The following POU6F2 variants were observed in gnomAD, a reference collection of about 807,000 sequenced individuals.
POU6F2 encodes POU class 6 homeobox 2.
A neutral mutation model predicts 71.3 loss-of-function variants in POU6F2; 31 were observed. That is an observed-to-expected ratio of 0.43 (90% CI 0.33 to 0.59). The LOEUF (loss-of-function observed/expected upper bound fraction) is 0.59, where lower values mean the gene tolerates loss of function less well. Ranked by LOEUF, POU6F2 falls within the 20% of genes least tolerant of loss-of-function variation. POU6F2 has a pLI of 0.04. For missense variants in POU6F2, 783 were observed against 856.8 expected, an observed-to-expected ratio of 0.91 and a Z score of 1.07; for synonymous variants, 347 against 355.7, an observed-to-expected ratio of 0.98 and a Z score of 0.27.
At chr7:39,006,258 G>C (rs1490038009) in intron 1 of POU6F2, among the ~76,000 whole-genome samples, 1 of 152,198 alleles carries the variant, frequency 6.6e-6, no homozygotes, top group Non-Finnish European at 1.5e-5. Flanking sequence ...GAGGTCAGGA[G>C]TTTGAGGCCA....
At chr7:39,452,685 A>G (rs1788689679) in intron 8 of POU6F2, among the ~76,000 whole-genome samples, 1 of 152,254 alleles carries the variant, frequency 6.6e-6, no homozygotes, top group Non-Finnish European at 1.5e-5. Flanking sequence ...TCCTCAAAAA[A>G]GAAAAATAAT....
At chr7:39,367,669 T>A (rs564987579) in intron 5 of POU6F2, among the ~76,000 whole-genome samples, 1 of 152,374 alleles carries the variant, frequency 6.6e-6, no homozygotes, top group Admixed American at 6.5e-5. Context: ...TGTATTGCAC[T>A]TTGCTTTATT....
At chr7:39,376,620 C>A (rs796668112) in intron 5 of POU6F2, among the ~76,000 whole-genome samples, 1 of 152,126 alleles carries the variant, frequency 6.6e-6, no homozygotes, top group Admixed American at 6.6e-5. Flanking sequence ...AGAAACATAC[C>A]TAAGGCCACA....
chr7:39,175,743 C>G (rs933434120), intron 2 of POU6F2, among the ~76,000 whole-genome samples: 5 of 152,098 alleles, frequency 3.3e-5, no homozygotes, highest in African/African-American at 1.2e-4. Flanking sequence ...TCATGTATGG[C>G]CACCCTTAAC....
intron 2 of POU6F2, among the ~76,000 whole-genome samples, chr7:39,175,377 T>A (rs981146050): frequency 2.0e-5 from 3 of 152,098 alleles, no homozygotes; most frequent in African/African-American, 7.2e-5. Flanking sequence ...TTGTCCAAAC[T>A]AGGTCAACTT....
rs201563197 is a variant in POU6F2, at chr7:39,418,975, GTATATATATGTGTATATA to G, written c.1113+12237_1113+12254del. Reference sequence around the variant, plus strand: ...TATATGTATATATATGTGTATATATGTATATATATGTGTATATATGTGTATATATGTGTATATATGTAT... The same window carrying G: ...TATATGTATATATATGTGTATATATGTGTGTATATATGTGTATATATGTAT... On this transcript the variant is annotated intron_variant, in intron 6 of 9. Coordinates refer to ENST00000518318, the MANE Select transcript of POU6F2 (RefSeq NM_001370959.1). Among the ~76,000 whole-genome samples, 327 of 140,244 alleles carry G rather than the reference GTATATATATGTGTATATA, an allele frequency of 2.3e-3. 1 individual carries two copies. Among genetic ancestry groups the G allele is most frequent in the South Asian group, 0.012 (55 of 4,624 alleles). 92.0% of individuals were successfully genotyped at this position (140,244 alleles called of 152,430 possible).
intron 2 of POU6F2, among the ~76,000 whole-genome samples, chr7:39,162,649 T>C (rs1380191910): frequency 2.0e-5 from 3 of 152,180 alleles, no homozygotes. Context: ...ACCAGGGTGC[T>C]CATAAGTAAC....
chr7:38,993,226 C>T (rs1358833462), intron 1 of POU6F2, among the ~76,000 whole-genome samples: 1 of 152,030 alleles, frequency 6.6e-6, no homozygotes, highest in African/African-American at 2.4e-5. Context: ...TATACATATA[C>T]ATATATTCCT....
At chr7:39,325,541 C>T (rs1232616855) in intron 4 of POU6F2, among the ~76,000 whole-genome samples, 1 of 152,204 alleles carries the variant, frequency 6.6e-6, no homozygotes, top group African/African-American at 2.4e-5. Context: ...GCTGTATACT[C>T]CAGCTTCCAC....
intron 4 of POU6F2, among the ~76,000 whole-genome samples, chr7:39,312,363 C>T (rs78675505): frequency 0.016 from 2,495 of 152,234 alleles, 71 homozygotes; most frequent in African/African-American, 0.057. Flanking sequence ...AGAAAGTACC[C>T]ATAGTAAGCT....
intron 1 of POU6F2, among the ~76,000 whole-genome samples, chr7:38,988,753 C>T (rs933025983): frequency 2.0e-5 from 3 of 152,054 alleles, no homozygotes; most frequent in Non-Finnish European, 4.4e-5. Context: ...GGCGCAAGGC[C>T]CTGCAAGACA....
chr7:39,337,008 C>T (rs754677579), intron 4 of POU6F2, among the ~76,000 whole-genome samples: 7 of 152,216 alleles, frequency 4.6e-5, no homozygotes, highest in Non-Finnish European at 7.4e-5. Flanking sequence ...AAATCCCATC[C>T]GATACAATTC....
At chr7:39,203,511 C>T (rs1354725558) in intron 2 of POU6F2, among the ~76,000 whole-genome samples, 1 of 152,182 alleles carries the variant, frequency 6.6e-6, no homozygotes, top group African/African-American at 2.4e-5. Context: ...CAGAAACACA[C>T]GTAGAGAAAT....
At chr7:39,225,634 G>A (rs1794447341) in intron 4 of POU6F2, among the ~76,000 whole-genome samples, 1 of 152,122 alleles carries the variant, frequency 6.6e-6, no homozygotes, top group African/African-American at 2.4e-5. Flanking sequence ...CCCATGAAGG[G>A]AAAAATTCCA....
chr7:39,398,549 T>G (rs80343542), intron 5 of POU6F2, among the ~76,000 whole-genome samples: 2,713 of 151,506 alleles, frequency 0.018, 72 homozygotes, highest in East Asian at 0.1. Context: ...ATAAATCTTT[T>G]GGCATGAATC....
At chr7:39,413,373 T>G (rs956082848) in intron 6 of POU6F2, among the ~76,000 whole-genome samples, 11 of 152,286 alleles carry the variant, frequency 7.2e-5, no homozygotes, top group African/African-American at 2.6e-4. Context: ...ATAATACCAT[T>G]TTTAAATACA....
At chr7:39,235,715 C>G (rs1794663024) in intron 4 of POU6F2, among the ~76,000 whole-genome samples, 1 of 152,216 alleles carries the variant, frequency 6.6e-6, no homozygotes, top group Non-Finnish European at 1.5e-5. Flanking sequence ...CCTATTGACA[C>G]TATGCTGCAG....
At chr7:38,988,746 G>T (rs977614439) in intron 1 of POU6F2, among the ~76,000 whole-genome samples, 6 of 152,062 alleles carry the variant, frequency 3.9e-5, no homozygotes, top group Admixed American at 1.3e-4. Context: ...AGGACGTGGC[G>T]CAAGGCCCTG....
At chr7:39,096,693 G>A (rs989822869) in intron 2 of POU6F2, among the ~76,000 whole-genome samples, 2 of 152,090 alleles carry the variant, frequency 1.3e-5, no homozygotes, top group East Asian at 1.9e-4. Context: ...GCACATTTAC[G>A]TTAGTTGCTG....
Sources: gnomAD v4.1 joint callset for allele counts (sites outside exome capture counted in the v4.1 genomes callset) on GRCh38, gnomAD v4.1.1 for gene constraint, MANE v1.5 for transcripts, NCBI Gene and HGNC (gene_info 2026-07-23, HGNC 2026-07-21) for gene names.